The following RAB40A variants were observed in gnomAD, a reference collection of about 807,000 sequenced individuals.
The protein encoded by RAB40A is RAB40A, member RAS oncogene family, also known as ras-related protein Rab-40A.
For missense variants in RAB40A, 145 were observed against 230.2 expected, an observed-to-expected ratio of 0.63 and a Z score of 2.40; for synonymous variants, 65 against 99.9, an observed-to-expected ratio of 0.65 and a Z score of 2.08.
chrX:103,506,956 C>A (rs761825155), intron 2 of RAB40A, among the ~76,000 whole-genome samples: 3 of 111,584 alleles, frequency 2.7e-5, no homozygotes, highest in African/African-American at 9.8e-5. Context: ...ATGTGCAGAA[C>A]GTGCAGGTTT....
rs1231036892 is a variant in RAB40A, at chrX:103,517,387, G to A, written c.-84C>T. ...GAAGAGACTCACCCCAAAAACCACA[G>A]TCAGTTGATGGGTCGAGTAACTAGG... On this transcript the variant is annotated 5_prime_UTR_variant, in exon 2 of 3. Coordinates refer to ENST00000304236, the MANE Select transcript of RAB40A (RefSeq NM_080879.3). 5 of 110,989 alleles carry A rather than the reference G, an allele frequency of 4.5e-5. No homozygotes were observed. The highest frequency in any genetic ancestry group is 1.6e-4 in the African/African-American group (5 of 30,511). The allele number at this position is 110,989 out of a possible 1,213,427, so 9.1% of individuals were successfully genotyped here.
intron 2 of RAB40A, among the ~76,000 whole-genome samples, chrX:103,514,943 T>C (rs780841457): frequency 6.2e-5 from 7 of 112,358 alleles, no homozygotes; most frequent in South Asian, 3.7e-4. Context: ...GTATGCATCA[T>C]AATGTACATT....
chrX:103,517,619 C>T (rs1053623608), intron 1 of RAB40A, 94 bp from the exon 2 acceptor site: 1 of 112,188 alleles, frequency 8.9e-6, no homozygotes, highest in African/African-American at 3.2e-5. Flanking sequence ...TTTCTAAATG[C>T]TCTCTGTTTC....
At chrX:103,519,080 A>G (rs1392277411) in intron 1 of RAB40A, among the ~76,000 whole-genome samples, 1 of 111,877 alleles carries the variant, frequency 8.9e-6, no homozygotes, top group Non-Finnish European at 1.9e-5. Flanking sequence ...AATTAGACAC[A>G]ATGAGCCCCC....
At position 103,500,766 on chromosome X, in the gene RAB40A, C is replaced by G; in HGVS notation, c.-10G>C. 8.3e-7 allele frequency: 1 copy of G among 1,204,112 alleles called. No homozygotes were observed. The highest frequency in any genetic ancestry group is 1.7e-5 in the African/African-American group (1 of 57,716). ...TGCCCGGGGCGCTCATGGTGCTGGCCCCGCACTCCCGCCTGAGCCAGGCCC... is the reference window on the plus strand; with the variant it reads ...TGCCCGGGGCGCTCATGGTGCTGGCGCCGCACTCCCGCCTGAGCCAGGCCC... On this transcript the variant is annotated 5_prime_UTR_variant, in exon 3 of 3. Transcript: ENST00000304236.
chrX:103,508,436 TG>T (rs2073268488), intron 2 of RAB40A, among the ~76,000 whole-genome samples: 1 of 111,837 alleles, frequency 8.9e-6, no homozygotes, highest in African/African-American at 3.3e-5. Context: ...CCATTCTTAC[TG>T]AGCTGTATGA....
rs753291130 is a variant in RAB40A, at chrX:103,500,141, C to G, written c.616G>C (p.Val206Leu). ...AGCGGGAGCTTGTCCACCAGATGCA[C>G]AGGTGTGCAGGACACGATGGTGCGG... ...CCRTIVSCTP[V>L]HLVDKLPLPS... The change falls in exon 3 of 3, where the codon GTG becomes CTG. Residue 206 changes from valine to leucine, a missense_variant. Val to Leu is a conservative substitution (Grantham distance 32, BLOSUM62 1). Transcript: ENST00000304236. 8.3e-7 allele frequency: 1 copy of G among 1,212,093 alleles called. No individual in the cohort carries two copies. The highest frequency in any genetic ancestry group is 1.1e-6 in the Non-Finnish European group (1 of 895,595).
Position 103,500,374 on chromosome X carries a change from A to C in RAB40A, c.383T>G (p.Leu128Arg). The change falls in exon 3 of 3, where the codon CTA becomes CGA. Residue 128 changes from leucine to arginine, a missense_variant. Physicochemically the swap from Leu to Arg is moderately radical, Grantham distance 102 (BLOSUM62 -2). Coordinates refer to ENST00000304236, the MANE Select transcript of RAB40A (RefSeq NM_080879.3). Reference sequence around the variant, plus strand: ...CACCTGCCTCTTGAATGCCAGATGTAGGCGATTCCCCACCAGGATTTTAGG... The same window carrying C: ...CACCTGCCTCTTGAATGCCAGATGTCGGCGATTCCCCACCAGGATTTTAGG... ...GVPKILVGNR[L>R]HLAFKRQVPR... The C allele has an allele frequency of 8.3e-7, 1 of 1,211,415 alleles. No homozygotes were observed. Among genetic ancestry groups the C allele is most frequent in the Non-Finnish European group, 1.1e-6 (1 of 895,323 alleles).
At chrX:103,506,566 CCTTA>C (rs748600192) in intron 2 of RAB40A, among the ~76,000 whole-genome samples, 7 of 111,167 alleles carry the variant, frequency 6.3e-5, no homozygotes, top group South Asian at 3.7e-4. Context: ...ACCCTAAACT[CCTTA>C]CTTAAAGTAT....
intron 2 of RAB40A, among the ~76,000 whole-genome samples, chrX:103,512,430 C>T (rs1025246281): frequency 4.3e-4 from 48 of 110,902 alleles, no homozygotes; most frequent in Non-Finnish European, 1.7e-4. Flanking sequence ...ATCTCAGCCT[C>T]ACAACTTGCT....
chrX:103,516,900 A>G (rs762088336), intron 2 of RAB40A, among the ~76,000 whole-genome samples: 1 of 111,937 alleles, frequency 8.9e-6, no homozygotes, highest in East Asian at 2.8e-4. Context: ...GTACATGACA[A>G]GGTATAAGAT....
At chrX:103,517,068 T>A (rs1193506020) in intron 2 of RAB40A, among the ~76,000 whole-genome samples, 2 of 111,875 alleles carry the variant, frequency 1.8e-5, no homozygotes, top group Non-Finnish European at 3.8e-5. Context: ...TTAACCTGCA[T>A]GTCAACCACT....
downstream of RAB40A, among the ~76,000 whole-genome samples, chrX:103,498,031 TATC>T (rs774586177): frequency 3.4e-4 from 38 of 112,229 alleles, no homozygotes; most frequent in Admixed American, 2.1e-3. Context: ...CCACCTGTCA[TATC>T]ATCAAAGTAT....
At chrX:103,494,633 C>G (rs1329418512), downstream of RAB40A, among the ~76,000 whole-genome samples, 1 of 111,945 alleles carries the variant, frequency 8.9e-6, no homozygotes, top group Non-Finnish European at 1.9e-5. Context: ...TATTTTCATT[C>G]TTCTGCGTAT....
the RAB40A span, among the ~76,000 whole-genome samples, chrX:103,493,765 C>T: frequency 8.9e-6 from 1 of 112,323 alleles, no homozygotes; most frequent in South Asian, 3.7e-4. Context: ...GACTGAATCA[C>T]ATTCTTCTTG....
intron 2 of RAB40A, among the ~76,000 whole-genome samples, chrX:103,506,301 T>C (rs5945784): frequency 0.07 from 7,747 of 111,052 alleles, 681 homozygotes; most frequent in African/African-American, 0.24. Flanking sequence ...CACCTCCCCC[T>C]TCTGAGTTTC....
chrX:103,512,700 T>G (rs189625741), intron 2 of RAB40A, among the ~76,000 whole-genome samples: 1 of 111,931 alleles, frequency 8.9e-6, no homozygotes, highest in African/African-American at 3.2e-5. Flanking sequence ...CAATATATAT[T>G]TGTCATAAAA....
chrX:103,500,803 C>T lies in RAB40A; in HGVS notation c.-47G>A, dbSNP rs751668724. 45 of 1,175,951 alleles carry T rather than the reference C, an allele frequency of 3.8e-5. No individual in the cohort carries two copies. The South Asian group carries it at 6.7e-4, about 17-fold the overall frequency. ...CCTGAGCCAGGCCCGCGGGGTTGTG[C>T]GCAGAGGTGGTGCCGGGCCTGTTCT... On this transcript the variant is annotated 5_prime_UTR_variant, in exon 3 of 3. Coordinates refer to ENST00000304236, the MANE Select transcript of RAB40A (RefSeq NM_080879.3).
At chrX:103,505,259 G>A (rs1427441424) in intron 2 of RAB40A, among the ~76,000 whole-genome samples, 1 of 111,994 alleles carries the variant, frequency 8.9e-6, no homozygotes, top group Non-Finnish European at 1.9e-5. Flanking sequence ...TCTGTTGGAT[G>A]ATATTTGGGT....
Sources: allele counts gnomAD v4.1 joint callset (sites outside exome capture counted in the v4.1 genomes callset), GRCh38; gene constraint gnomAD v4.1.1; transcripts MANE v1.5; gene names NCBI Gene and HGNC (gene_info 2026-07-23, HGNC 2026-07-21).